Variants in TEX14 observed in about 807,000 individuals in gnomAD.
TEX14 encodes inactive serine/threonine-protein kinase TEX14.
TEX14 carries 168 observed loss-of-function variants against 178.6 expected under a neutral mutation model. The ratio of observed to expected loss-of-function variants is 0.94; its 90% CI spans 0.83 to 1.07. The LOEUF (loss-of-function observed/expected upper bound fraction) is 1.07. TEX14 is among the 50% of genes least tolerant of loss of function. TEX14 has a pLI of 0.00. For synonymous variants in TEX14, 626 were observed against 634.1 expected (o/e 0.99, Z 0.19); for missense variants, 1,730 against 1,753.6 (o/e 0.99, Z 0.24).
Position 58,622,806 on chromosome 17 carries a change from T to G in TEX14, c.417+41A>C, listed in dbSNP as rs764280572. ...GGGAGCCTGACTCTCAGCCCAGTAC[T>G]CTTCTAGTGGGCATGGCTACAGAGT... On this transcript the variant is annotated intron_variant, in intron 4 of 31. Coordinates refer to ENST00000349033, the MANE Select transcript of TEX14 (RefSeq NM_031272.5). 6 of 1,564,166 alleles carry G rather than the reference T, an allele frequency of 3.8e-6. No homozygotes were observed. The Admixed American group carries it at 1.0e-4, about 27-fold the overall frequency.
rs752908114 is a variant in TEX14 at position 58,574,288 on chromosome 17, C to G, written c.3321-39G>C. On this transcript the variant is annotated intron_variant, in intron 21 of 31. Transcript: ENST00000349033. ...AGTAAGAAAATTACATAAATCCCCT[C>G]TGTGAACAAAGTACACTAACTACTT... 2.0e-6 allele frequency: 3 copies of G among 1,527,232 alleles called. No individual in the cohort carries two copies. The East Asian group carries it at 6.7e-5, about 34-fold the overall frequency. 94.6% of individuals were successfully genotyped at this position (1,527,232 alleles called of 1,614,324 possible).
chr17:58,610,925 T>A (rs1320185028), intron 10 of TEX14, among the ~76,000 whole-genome samples: 3 of 151,960 alleles, frequency 2.0e-5, no homozygotes, highest in Non-Finnish European at 4.4e-5. Flanking sequence ...TGGATAATTA[T>A]AGCATTTATG....
chr17:58,689,952 C>A (rs2047664590), intron 1 of TEX14, among the ~76,000 whole-genome samples: 1 of 149,140 alleles, frequency 6.7e-6, no homozygotes, highest in African/African-American at 2.5e-5. Context: ...TGGGTTCATG[C>A]AATTCTCCTG....
chr17:58,569,355 T>C lies in TEX14; in HGVS notation c.3818-95A>G. The C allele has an allele frequency of 1.1e-6, 1 of 892,586 alleles. No individual in the cohort carries two copies. Among genetic ancestry groups the C allele is most frequent in the Non-Finnish European group, 1.8e-6 (1 of 556,284 alleles). 55.3% of individuals were successfully genotyped at this position (892,586 alleles called of 1,614,324 possible). A position where few individuals can be genotyped will look rare whatever the true frequency, so the allele number is the denominator to read the frequency against. ...GCTCTCACATAGACTTGACTGAGGA[T>C]TTCTCTCAATGATGAAACAAACTAA... On this transcript the variant is annotated intron_variant, in intron 25 of 31. Transcript: ENST00000349033. The surrounding 1 kb of genome is among the most constrained non-coding windows in gnomAD (Gnocchi z 4.1).
chr17:58,611,903 GAAAAACAGAA>G (rs774190812), intron 9 of TEX14, among the ~76,000 whole-genome samples: 2 of 152,148 alleles, frequency 1.3e-5, no homozygotes, highest in African/African-American at 2.4e-5. Flanking sequence ...ACTCAAGGGG[GAAAAACAGAA>G]AAAAACAGAA....
intron 1 of TEX14, among the ~76,000 whole-genome samples, chr17:58,690,835 G>C (rs566053646): frequency 6.6e-6 from 1 of 152,234 alleles, no homozygotes; most frequent in South Asian, 2.1e-4. Flanking sequence ...AAGGATGCTA[G>C]GTTTGAATCT....
At chr17:58,688,962 G>A (rs779731897) in intron 1 of TEX14, among the ~76,000 whole-genome samples, 2 of 151,590 alleles carry the variant, frequency 1.3e-5, no homozygotes, top group Admixed American at 6.6e-5. Flanking sequence ...ATGGAGTCTC[G>A]CTCTGTCACA....
Position 58,584,551 on chromosome 17 carries a change from T to C in TEX14, c.3120A>G (p.Glu1040=), listed in dbSNP as rs371822178. 17 of 1,614,188 alleles carry C rather than the reference T, an allele frequency of 1.1e-5. 1 individual carries two copies. The African/African-American group carries it at 1.5e-4, about 14-fold the overall frequency. The change falls in exon 19 of 32, where the codon GAA becomes GAG. Residue 1040 remains glutamate (E), a synonymous_variant. Coordinates refer to ENST00000349033, the MANE Select transcript of TEX14 (RefSeq NM_031272.5). The part of the protein sequence containing the change: ...PRQKEQPEHS[E]AFQASSDTLV... ...ATGTGTCAGAACTTGCTTGGAAGGC[T>C]TCACTATGCTCTGGTTGCTCCTTTT...
intron 11 of TEX14, among the ~76,000 whole-genome samples, 185 bp from the exon 12 acceptor site, chr17:58,602,775 C>T (rs2045488955): frequency 6.6e-6 from 1 of 152,002 alleles, no homozygotes; most frequent in East Asian, 1.9e-4. Flanking sequence ...TGTAGAAAAA[C>T]TACCCAGAGG....
At chr17:58,624,698 G>A (rs2046094086) in intron 3 of TEX14, among the ~76,000 whole-genome samples, 1 of 152,114 alleles carries the variant, frequency 6.6e-6, no homozygotes, top group Non-Finnish European at 1.5e-5. Context: ...GAAACTACAA[G>A]CCATCGCTTC....
chr17:58,633,968 G>GAA (rs34378655), intron 2 of TEX14, among the ~76,000 whole-genome samples: 1 of 112,536 alleles, frequency 8.9e-6, no homozygotes, highest in Admixed American at 9.3e-5. Flanking sequence ...CTCTGTCTCC[G>GAA]AAAAAAAAAA....
rs1162584995 is a variant in TEX14, at chr17:58,622,896, T to C, written c.368A>G (p.Gln123Arg). Residue 123 changes from glutamine (Q) to arginine (R), a missense_variant, in exon 4 of 32, where the codon CAA becomes CGA. By Grantham distance (43) the Gln-to-Arg change is conservative (BLOSUM62 1). Around this residue, in one of 2 missense-constraint regions of TEX14, gnomAD observed 789 missense variants for 681.2 expected, o/e 1.16. Coordinates refer to ENST00000349033, the MANE Select transcript of TEX14 (RefSeq NM_031272.5). ...GDLRLHDERG[Q>R]NPKTWALTAG... Reference sequence around the variant, plus strand: ...TGTCAAAGCCCAAGTCTTCGGGTTTTGACCCCTCTCATCGTGGAGTCGCAG... The same window carrying C: ...TGTCAAAGCCCAAGTCTTCGGGTTTCGACCCCTCTCATCGTGGAGTCGCAG... The C allele has an allele frequency of 6.2e-7, 1 of 1,613,292 alleles. No homozygotes were observed. Among genetic ancestry groups the C allele is most frequent in the Non-Finnish European group, 8.5e-7 (1 of 1,179,380 alleles).
rs2046708897 is a variant in TEX14, at chr17:58,646,416, C to T, written c.136+5450G>A. 2.0e-5 allele frequency among the ~76,000 whole-genome samples: 3 copies of T among 152,168 alleles called. No individual in the cohort carries two copies. In the South Asian group the frequency reaches 6.2e-4, roughly 32 times the overall value. On this transcript the variant is annotated intron_variant, in intron 2 of 31. Transcript: ENST00000349033. ...TCTCTCTCCACCCCACTGGTTTTCC[C>T]GTCAACTCATGTCAACCAGACCCTT... is the stretch of plus-strand genomic sequence containing the variant.
rs753075035 is a variant in TEX14 at position 58,602,594 on chromosome 17, T to C, written c.1337-4A>G. The stretch of plus-strand genomic sequence containing the variant: ...AAGCCCTTCCAGGGTATGTCATCTG[T>C]AAGGAAAAAGTCATACAAAAGAGTA... On this transcript the variant is annotated splice_polypyrimidine_tract_variant and splice_region_variant and intron_variant, in intron 11 of 31. Coordinates refer to ENST00000349033, the MANE Select transcript of TEX14 (RefSeq NM_031272.5). 3 of 1,604,258 alleles carry C rather than the reference T, an allele frequency of 1.9e-6. No homozygotes were observed. The highest frequency in any genetic ancestry group is 1.7e-5 in the Admixed American group (1 of 58,350).
rs2046262026 is a variant in TEX14, at chr17:58,630,487, A to C, written c.204T>G (p.Leu68=). ...CCACCAGAACATCAACGAATTTCCT[A>C]AGGCCCAATAACGCCGCAACAAAAA... ...TALFVAALLG[L]RKFVDVLVDY... is the part of the protein sequence containing the mutation. The change falls in exon 3 of 32, where the codon CTT becomes CTG. Residue 68 remains leucine, a synonymous_variant. Coordinates refer to ENST00000349033, the MANE Select transcript of TEX14 (RefSeq NM_031272.5). The C allele has an allele frequency of 3.7e-6, 6 of 1,614,022 alleles. No individual in the cohort carries two copies. Among genetic ancestry groups the C allele is most frequent in the Non-Finnish European group, 5.1e-6 (6 of 1,179,972 alleles).
chr17:58,605,112 T>G lies in TEX14; in HGVS notation c.1202A>C (p.Gln401Pro), dbSNP rs746129698. ...YMLESEDRGV[Q>P]RDLTRVPLPT... ...AAGGGGCACTCGAGTCAGGTCCCTC[T>G]GTACACCTCTGTCCTCGCTACGGAA... is the stretch of plus-strand genomic sequence containing the variant. Residue 401 changes from glutamine to proline, a missense_variant, in exon 11 of 32, where the codon CAG (glutamine) becomes CCG (proline). Gln to Pro is a moderately conservative substitution (Grantham distance 76). Coordinates refer to ENST00000349033, the MANE Select transcript of TEX14 (RefSeq NM_031272.5). The G allele has an allele frequency of 1.9e-5, 30 of 1,614,060 alleles. No individual in the cohort carries two copies. Among genetic ancestry groups the G allele is most frequent in the Non-Finnish European group, 2.5e-5 (30 of 1,180,010 alleles).
chr17:58,636,739 CCT>C (rs1215529547), intron 2 of TEX14, among the ~76,000 whole-genome samples: 2 of 151,954 alleles, frequency 1.3e-5, no homozygotes, highest in Admixed American at 1.3e-4. Context: ...ATGGTGAAAC[CCT>C]GTCTCTACTA....
chr17:58,598,468 C>A (rs1443074672), intron 14 of TEX14, among the ~76,000 whole-genome samples: 1 of 152,092 alleles, frequency 6.6e-6, no homozygotes, highest in African/African-American at 2.4e-5. Flanking sequence ...TGCAAAATTG[C>A]CAATACTTGA....
intron 1 of TEX14, among the ~76,000 whole-genome samples, chr17:58,691,086 C>T (rs567378777): frequency 3.9e-5 from 6 of 152,044 alleles, no homozygotes; most frequent in Admixed American, 1.3e-4. Flanking sequence ...AACTCATGAG[C>T]TCAAAGAGAT....
Sources: gnomAD v4.1 joint callset for allele counts (sites outside exome capture counted in the v4.1 genomes callset) on GRCh38, gnomAD v4.1.1 for gene constraint, gnomAD v4.1.1 regional missense constraint, Gnocchi (gnomAD v3.1) non-coding constraint, MANE v1.5 for transcripts, NCBI Gene and HGNC (gene_info 2026-07-23, HGNC 2026-07-21) for gene names.